The following ZRANB3 variants were observed in gnomAD, a reference collection of about 807,000 sequenced individuals.
ZRANB3 encodes zinc finger RANBP2-type containing 3.
ZRANB3 carries 125 observed loss-of-function variants against 133.8 expected under a neutral mutation model. The observed-to-expected ratio is 0.93, with a 90% CI of 0.81 to 1.08. The LOEUF is 1.08. ZRANB3 is among the 50% of genes least tolerant of loss of function. ZRANB3 has a pLI of 0.00. For synonymous variants in ZRANB3, 387 were observed against 432.7 expected (o/e 0.89, Z 1.31); for missense variants, 1,229 against 1,275.5 (o/e 0.96, Z 0.56).
At chr2:135,271,180 G>C (rs146568514) in intron 10 of ZRANB3, 3 of 326,890 alleles carry the variant, frequency 9.2e-6, no homozygotes, top group Non-Finnish European at 1.9e-5. Flanking sequence ...AGCAGAAAGC[G>C]AGAAGGGGTA....
chr2:135,404,334 T>G (rs978776375), intron 2 of ZRANB3, among the ~76,000 whole-genome samples: 2 of 151,976 alleles, frequency 1.3e-5, no homozygotes, highest in Non-Finnish European at 2.9e-5. Context: ...TTCTATCAAC[T>G]GGAAGAAAGG....
intron 12 of ZRANB3, among the ~76,000 whole-genome samples, chr2:135,263,687 C>G (rs991777099): frequency 2.7e-4 from 41 of 151,642 alleles, no homozygotes; most frequent in African/African-American, 9.2e-4. Context: ...TTTAAAGGAG[C>G]TTTCATTAGC....
chr2:135,325,467 GCTCACTGCAAGCTCCGC>G (rs981067626), intron 6 of ZRANB3, among the ~76,000 whole-genome samples: 5 of 151,940 alleles, frequency 3.3e-5, no homozygotes. Flanking sequence ...CGTAATCTTG[GCTCACTGCAAGCTCCGC>G]CTCCCAGGTT....
intron 2 of ZRANB3, among the ~76,000 whole-genome samples, chr2:135,481,519 T>A (rs1051595650): frequency 1.1e-4 from 16 of 152,238 alleles, no homozygotes; most frequent in African/African-American, 3.6e-4. Flanking sequence ...ATATTAGCCC[T>A]TTGTCACATG....
intron 2 of ZRANB3, among the ~76,000 whole-genome samples, chr2:135,396,482 T>C (rs1687491351): frequency 6.6e-6 from 1 of 152,082 alleles, no homozygotes; most frequent in Non-Finnish European, 1.5e-5. Context: ...TATTCAGCCA[T>C]AAAAAAGAAT....
chr2:135,316,881 G>A (rs1573898358), intron 6 of ZRANB3, among the ~76,000 whole-genome samples: 1 of 150,374 alleles, frequency 6.7e-6, no homozygotes, highest in Non-Finnish European at 1.5e-5. Context: ...CAGGAGAATC[G>A]CTTGAACCCG....
At chr2:135,263,130 A>G (rs1680045427) in intron 12 of ZRANB3, among the ~76,000 whole-genome samples, 1 of 152,224 alleles carries the variant, frequency 6.6e-6, no homozygotes, top group East Asian at 1.9e-4. Context: ...GAGGTAACCA[A>G]TTTTATAAAT....
intron 6 of ZRANB3, among the ~76,000 whole-genome samples, chr2:135,338,688 A>AGGTAG (rs1684481743): frequency 6.6e-6 from 1 of 152,250 alleles, no homozygotes; most frequent in South Asian, 2.1e-4. Context: ...ACAGTATTCC[A>AGGTAG]CTGTATGGAG....
intron 3 of ZRANB3, among the ~76,000 whole-genome samples, chr2:135,387,667 T>C (rs1687040778): frequency 6.6e-6 from 1 of 152,146 alleles, no homozygotes; most frequent in Non-Finnish European, 1.5e-5. Context: ...TGTAAAATAA[T>C]GGGTCTTCAA....
intron 15 of ZRANB3, among the ~76,000 whole-genome samples, chr2:135,220,184 C>T (rs1694481237): frequency 1.3e-5 from 2 of 152,086 alleles, no homozygotes; most frequent in African/African-American, 4.8e-5. Context: ...GGATTATAGG[C>T]ATGAGCCACC....
chr2:135,219,116 A>G lies in ZRANB3; in HGVS notation c.2313T>C (p.Asp771=). 1 of 1,534,590 alleles carries G rather than the reference A, an allele frequency of 6.5e-7. No homozygotes were observed. The highest frequency in any genetic ancestry group is 8.7e-7 in the Non-Finnish European group (1 of 1,145,776). ...GTTTCAGCTGAAAGCTTGCTGGTAA[A>G]TCTTCCCAAAGGTCTAATTTTATAT... ...PLDIKLDLWE[D]LPASFQLKQY... is the part of the protein sequence containing the mutation. The change falls in exon 16 of 21, where the codon GAT becomes GAC. Residue 771 remains aspartate, a synonymous_variant. Coordinates refer to ENST00000264159, the MANE Select transcript of ZRANB3 (RefSeq NM_032143.4).
intron 12 of ZRANB3, chr2:135,238,692 C>T (rs981435863): frequency 2.0e-5 from 3 of 152,324 alleles, no homozygotes; most frequent in Admixed American, 6.6e-5. Flanking sequence ...GAGGCTAGGT[C>T]ATTGAAGGTA....
intron 12 of ZRANB3, among the ~76,000 whole-genome samples, chr2:135,241,938 G>C (rs992881267): frequency 9.2e-5 from 14 of 152,114 alleles, no homozygotes; most frequent in Non-Finnish European, 8.8e-5. Flanking sequence ...CCAGAACTTT[G>C]GGAAGGTGAG....
At chr2:135,340,894 C>T (rs1470894937) in intron 6 of ZRANB3, among the ~76,000 whole-genome samples, 1 of 150,008 alleles carries the variant, frequency 6.7e-6, no homozygotes, top group Admixed American at 6.6e-5. Context: ...CAAGTCTTTT[C>T]ATCAAACAGG....
At chr2:135,223,530 G>A (rs922820915) in intron 15 of ZRANB3, among the ~76,000 whole-genome samples, 2 of 151,728 alleles carry the variant, frequency 1.3e-5, no homozygotes, top group Non-Finnish European at 2.9e-5. Flanking sequence ...GTTTCACCAC[G>A]TTGGCCAGGC....
chr2:135,320,237 T>C (rs937441385), intron 6 of ZRANB3, among the ~76,000 whole-genome samples: 2 of 152,182 alleles, frequency 1.3e-5, no homozygotes, highest in Non-Finnish European at 2.9e-5. Context: ...TTAAGGTCCA[T>C]AGTTGCATGG....
intron 6 of ZRANB3, among the ~76,000 whole-genome samples, chr2:135,338,189 C>G (rs1684455318): frequency 6.6e-6 from 1 of 152,104 alleles, no homozygotes; most frequent in African/African-American, 2.4e-5. Context: ...AAAAAAAACC[C>G]AGATCCAGTA....
intron 2 of ZRANB3, among the ~76,000 whole-genome samples, chr2:135,449,439 C>T (rs974680496): frequency 2.6e-5 from 4 of 151,904 alleles, no homozygotes; most frequent in South Asian, 2.1e-4. Flanking sequence ...GGCCAACATG[C>T]GGAAACCCCG....
chr2:135,237,233 A>C (rs1314746800), intron 12 of ZRANB3, among the ~76,000 whole-genome samples: 21 of 150,894 alleles, frequency 1.4e-4, no homozygotes, highest in Admixed American at 1.3e-3. Flanking sequence ...AATCAAAACC[A>C]CAATGAGATA....
Sources: gnomAD v4.1 joint callset for allele counts (sites outside exome capture counted in the v4.1 genomes callset) on GRCh38, gnomAD v4.1.1 for gene constraint, MANE v1.5 for transcripts, NCBI Gene and HGNC (gene_info 2026-07-23, HGNC 2026-07-21) for gene names.